BBOF1: variants seen among roughly 807,000 people sequenced by gnomAD.
BBOF1 encodes the protein basal body-orientation factor 1.
A neutral mutation model predicts 68.0 loss-of-function variants in BBOF1; 62 were observed. The ratio of observed to expected loss-of-function variants is 0.91; its 90% CI spans 0.74 to 1.13. BBOF1 has a LOEUF of 1.13. BBOF1 is among the 50% of genes most tolerant of loss of function. BBOF1 has a pLI of 0.00. For missense variants in BBOF1, 534 were observed against 600.1 expected (o/e 0.89, Z 1.15); for synonymous variants, 208 against 198.8 (o/e 1.05, Z -0.39).
chr14:74,071,455 C>T (rs2060547978), intron 9 of BBOF1: 1 of 1,614,116 alleles, frequency 6.2e-7, no homozygotes. Flanking sequence ...CATGGTCTCT[C>T]CCATCATGAG....
chr14:74,071,458 A>G (rs1595125136), intron 9 of BBOF1: 4 of 1,614,172 alleles, frequency 2.5e-6, no homozygotes, highest in East Asian at 2.2e-5. Flanking sequence ...GGTCTCTCCC[A>G]TCATGAGGGA....
At chr14:74,041,911 C>T (rs1335928242) in intron 5 of BBOF1, among the ~76,000 whole-genome samples, 2 of 152,064 alleles carry the variant, frequency 1.3e-5, no homozygotes, top group East Asian at 3.9e-4. Context: ...GTGGTGTGCA[C>T]CTGTAATCCC....
chr14:74,023,069 G>A lies in BBOF1; in HGVS notation c.210G>A (p.Lys70=), dbSNP rs769653476. 7.5e-6 allele frequency: 12 copies of A among 1,606,374 alleles called. No homozygotes were observed. Among genetic ancestry groups the A allele is most frequent in the Middle Eastern group, 1.7e-4 (1 of 6,054 alleles). Residue 70 remains lysine (K), a synonymous_variant, in exon 2 of 12, where the codon AAG becomes AAA. Transcript: ENST00000394009. Reference sequence around the variant, plus strand: ...AAAGTAATGAGGACTTAAAGAAAAAGCAATGTAAAATGGAGAAAGACATAA... The same window carrying A: ...AAAGTAATGAGGACTTAAAGAAAAAACAATGTAAAATGGAGAAAGACATAA... ...LAKSNEDLKK[K]QCKMEKDIMS... is the part of the protein sequence containing the mutation.
intron 4 of BBOF1, among the ~76,000 whole-genome samples, chr14:74,035,280 T>C (rs545137207): frequency 1.3e-5 from 2 of 152,208 alleles, no homozygotes; most frequent in South Asian, 2.1e-4. Flanking sequence ...GGAAATACTT[T>C]AGTATAGCAA....
intron 8 of BBOF1, among the ~76,000 whole-genome samples, chr14:74,053,321 C>G (rs2060111469): frequency 6.6e-6 from 1 of 150,920 alleles, no homozygotes; most frequent in African/African-American, 2.4e-5. Flanking sequence ...CCATGTCAGC[C>G]AAGAAGGTCT....
rs2060445863 is a variant in BBOF1 at position 74,065,425 on chromosome 14, T to C, written c.*726T>C. 1.4e-6 allele frequency: 2 copies of C among 1,477,064 alleles called. No individual in the cohort carries two copies. Among genetic ancestry groups the C allele is most frequent in the African/African-American group, 2.8e-5 (2 of 72,214 alleles). The allele number at this position is 1,477,064 out of a possible 1,614,324, so 91.5% of individuals were successfully genotyped here. A position where few individuals can be genotyped will look rare whatever the true frequency, so the allele number is the denominator to read the frequency against. ...TGGATTCTGAGTATTTTATGCTTATTTGGTACTTTCACTTACTACACATCA... is the reference window on the plus strand; with the variant it reads ...TGGATTCTGAGTATTTTATGCTTATCTGGTACTTTCACTTACTACACATCA... On this transcript the variant is annotated 3_prime_UTR_variant, in exon 12 of 12. Transcript: ENST00000394009.
chr14:74,049,552 C>A, intron 7 of BBOF1, 150 bp from the exon 8 acceptor site: 1 of 667,206 alleles, frequency 1.5e-6, no homozygotes, highest in Non-Finnish European at 2.4e-6. Flanking sequence ...ATCCCAGCTA[C>A]TCAGGAGCCT....
At chr14:74,061,038 C>T (rs1338539003) in intron 11 of BBOF1, among the ~76,000 whole-genome samples, 6 of 150,444 alleles carry the variant, frequency 4.0e-5, no homozygotes, top group East Asian at 4.0e-4. Context: ...AGTGCAGTGG[C>T]ATGATCTCAG....
At chr14:74,073,564 T>C (rs2060577552) in intron 9 of BBOF1, among the ~76,000 whole-genome samples, 1 of 152,212 alleles carries the variant, frequency 6.6e-6, no homozygotes, top group Admixed American at 6.5e-5. Flanking sequence ...AGATTAGCTA[T>C]TATGACTTTT....
chr14:74,057,646 A>AT, intron 11 of BBOF1: 2 of 1,331,076 alleles, frequency 1.5e-6, no homozygotes, highest in East Asian at 4.6e-5. Flanking sequence ...ATATGAAATG[A>AT]TTTTTTTAAG....
intron 7 of BBOF1, chr14:74,048,370 A>AT (rs1242634031): frequency 1.9e-5 from 4 of 213,890 alleles, no homozygotes; most frequent in Non-Finnish European, 3.7e-5. Context: ...TCACTTAGGA[A>AT]TACATTTAGC....
chr14:74,063,522 C>T (rs1174400971), intron 11 of BBOF1, among the ~76,000 whole-genome samples: 3 of 151,702 alleles, frequency 2.0e-5, no homozygotes, highest in Non-Finnish European at 4.4e-5. Flanking sequence ...TTATGAAATA[C>T]ATAGGTACTA....
At chr14:74,070,187 C>T (rs1234788061), downstream of BBOF1, among the ~76,000 whole-genome samples, 1 of 152,060 alleles carries the variant, frequency 6.6e-6, no homozygotes, top group African/African-American at 2.4e-5. Flanking sequence ...TCCAAAATAA[C>T]AGCCTTTGAA....
Position 74,050,140 on chromosome 14 carries a change from G to C in BBOF1, c.1231G>C (p.Gly411Arg). ...TEYPKIRTFD[G>R]REHSTNSVNQ... is the part of the protein sequence containing the mutation. Reference sequence around the variant, plus strand: ...ATATCCCAAAATCAGAACATTTGATGGCAGAGAGCACAGCACCAATAGTGT... The same window carrying C: ...ATATCCCAAAATCAGAACATTTGATCGCAGAGAGCACAGCACCAATAGTGT... The change falls in exon 8 of 12, where the codon GGC (glycine) becomes CGC (arginine). Residue 411 changes from glycine to arginine, a missense_variant. Physicochemically the swap from Gly to Arg is moderately radical, Grantham distance 125 (BLOSUM62 -2). Coordinates refer to ENST00000394009, the MANE Select transcript of BBOF1 (RefSeq NM_025057.3). 1 of 1,603,504 alleles carries C rather than the reference G, an allele frequency of 6.2e-7. No individual in the cohort carries two copies. The highest frequency in any genetic ancestry group is 8.5e-7 in the Non-Finnish European group (1 of 1,174,116).
At chr14:74,021,815 G>T (rs2059306365) in intron 1 of BBOF1, among the ~76,000 whole-genome samples, 1 of 152,176 alleles carries the variant, frequency 6.6e-6, no homozygotes, top group South Asian at 2.1e-4. Context: ...GCTGAGGCAG[G>T]AGAATGGCAT....
intron 9 of BBOF1, chr14:74,071,188 C>T: frequency 1.2e-6 from 2 of 1,612,536 alleles, no homozygotes; most frequent in Non-Finnish European, 1.7e-6. Context: ...TGCATAAGGG[C>T]AGTTACCTTC....
chr14:74,050,357 A>G (rs2060039208), intron 8 of BBOF1, among the ~76,000 whole-genome samples, 162 bp downstream of exon 8: 1 of 152,192 alleles, frequency 6.6e-6, no homozygotes, highest in Non-Finnish European at 1.5e-5. Context: ...TGTAATCTCT[A>G]GGCTTAGCAT....
chr14:74,023,190 G>A, intron 2 of BBOF1, 46 bp downstream of exon 2: 1 of 1,077,098 alleles, frequency 9.3e-7, no homozygotes. Context: ...TACCTCTATG[G>A]TGATGCTGAT....
In BBOF1 at chr14:74,072,228, TA is replaced by T; in HGVS notation, n.1380-5967del. The T allele has an allele frequency of 1.9e-6, 3 of 1,614,238 alleles. No homozygotes were observed. In the South Asian group the frequency reaches 3.3e-5, roughly 18 times the overall value. ...CAAGTTTTCTTTAATAAGTTGTTGA[TA>T]GCGGAGCAAGACCTGCTGGCGGCTT... On this transcript the variant is annotated intron_variant and non_coding_transcript_variant, in intron 9 of 12. Transcript: ENST00000492026.
Sources: allele counts gnomAD v4.1 joint callset (sites outside exome capture counted in the v4.1 genomes callset), GRCh38; gene constraint gnomAD v4.1.1; transcripts MANE v1.5; gene names NCBI Gene and HGNC (gene_info 2026-07-23, HGNC 2026-07-21).